The following RARB variants were observed in gnomAD, a reference collection of about 807,000 sequenced individuals.
RARB encodes the protein HBV-activated protein.
Under a neutral mutation model 51.9 loss-of-function variants are expected in RARB, and 17 were observed. The ratio of observed to expected loss-of-function variants is 0.33; its 90% confidence interval spans 0.22 to 0.49. RARB has a LOEUF of 0.49. Ranked by LOEUF, RARB falls within the 20% of genes least tolerant of loss-of-function variation. The pLI is 0.99. For synonymous variants in RARB, 215 were observed against 195.4 expected (o/e 1.10, Z -0.84); for missense variants, 369 against 550.8 (o/e 0.67, Z 3.30).
chr3:25,340,605 A>C (rs973249142), intron 5 of RARB, among the ~76,000 whole-genome samples: 25 of 152,172 alleles, frequency 1.6e-4, no homozygotes, highest in Non-Finnish European at 2.4e-4. Context: ...TTTTTTCTCC[A>C]TTTAAAGTAT....
At chr3:25,271,261 C>G (rs1703251250) in intron 5 of RARB, among the ~76,000 whole-genome samples, 1 of 152,182 alleles carries the variant, frequency 6.6e-6, no homozygotes. Context: ...GATGGGGTGG[C>G]TGCAGGCTTG....
At chr3:25,586,261 G>A (rs1575543987) in intron 5 of RARB, among the ~76,000 whole-genome samples, 1 of 152,096 alleles carries the variant, frequency 6.6e-6, no homozygotes, top group South Asian at 2.1e-4. Flanking sequence ...TCTCCGACCA[G>A]CCACCCGATT....
chr3:25,401,935 C>G (rs1014460962), intron 5 of RARB, among the ~76,000 whole-genome samples: 9 of 152,066 alleles, frequency 5.9e-5, no homozygotes, highest in African/African-American at 2.2e-4. Flanking sequence ...CGCCACCAAG[C>G]TTGGCTAATT....
intron 3 of RARB, among the ~76,000 whole-genome samples, chr3:25,560,316 A>G (rs996791515): frequency 6.6e-6 from 1 of 152,192 alleles, no homozygotes; most frequent in Non-Finnish European, 1.5e-5. Flanking sequence ...CATGTAGACC[A>G]TTTCTCTAAT....
chr3:24,894,244 G>C (rs754353279), intron 2 of RARB, among the ~76,000 whole-genome samples: 3 of 151,722 alleles, frequency 2.0e-5, no homozygotes, highest in Non-Finnish European at 4.4e-5. Context: ...CCTGATAGGC[G>C]ATCTTTCAGC....
chr3:25,369,693 C>T (rs1706240372), intron 5 of RARB, among the ~76,000 whole-genome samples: 1 of 152,152 alleles, frequency 6.6e-6, no homozygotes, highest in African/African-American at 2.4e-5. Context: ...GAGACCGAGG[C>T]AGGCGGATCA....
intron 2 of RARB, among the ~76,000 whole-genome samples, chr3:25,483,133 G>A (rs1370026011): frequency 6.6e-6 from 1 of 152,144 alleles, no homozygotes; most frequent in African/African-American, 2.4e-5. Context: ...AAGCGACACA[G>A]GCAGAGAACC....
At chr3:25,530,487 C>T (rs894546452) in intron 3 of RARB, among the ~76,000 whole-genome samples, 2 of 152,178 alleles carry the variant, frequency 1.3e-5, no homozygotes, top group African/African-American at 4.8e-5. Flanking sequence ...TTTGGAGGCT[C>T]TAGGGGAGAA....
At chr3:25,243,769 T>C (rs537452314) in intron 5 of RARB, among the ~76,000 whole-genome samples, 2 of 152,256 alleles carry the variant, frequency 1.3e-5, no homozygotes, top group South Asian at 2.1e-4. Flanking sequence ...GCCTGAAATT[T>C]TGTTTTTCTG....
intron 4 of RARB, among the ~76,000 whole-genome samples, chr3:25,153,421 C>T (rs894261770): frequency 3.3e-5 from 5 of 152,076 alleles, no homozygotes; most frequent in African/African-American, 1.2e-4. Flanking sequence ...ATTTCTTTAT[C>T]GAGTTACCGC....
At chr3:25,548,706 T>G (rs1699724468) in intron 3 of RARB, among the ~76,000 whole-genome samples, 1 of 152,028 alleles carries the variant, frequency 6.6e-6, no homozygotes, top group African/African-American at 2.4e-5. Flanking sequence ...TTAATATGTG[T>G]TATCAGTGCA....
At chr3:25,096,819 T>C (rs1699301231) in intron 3 of RARB, among the ~76,000 whole-genome samples, 2 of 152,118 alleles carry the variant, frequency 1.3e-5, no homozygotes, top group African/African-American at 4.8e-5. Context: ...CATGACATTG[T>C]CAAAGGAATA....
intron 5 of RARB, among the ~76,000 whole-genome samples, chr3:25,350,259 G>C (rs969415035): frequency 2.0e-5 from 3 of 152,074 alleles, no homozygotes; most frequent in Admixed American, 2.0e-4. Context: ...CAAAGCAACC[G>C]CCTACTGAAG....
intron 5 of RARB, among the ~76,000 whole-genome samples, chr3:25,303,601 T>C (rs1365712968): frequency 6.6e-6 from 1 of 152,214 alleles, no homozygotes; most frequent in Non-Finnish European, 1.5e-5. Context: ...TGCCACATGG[T>C]TGAATCTTCA....
intron 3 of RARB, among the ~76,000 whole-genome samples, chr3:25,081,603 A>ATTTTTTT: frequency 8.8e-5 from 1 of 11,380 alleles, no homozygotes; most frequent in Non-Finnish European, 1.7e-4. Context: ...ATATATATAT[A>ATTTTTTT]TATATATATA....
At chr3:24,969,205 C>A (rs550177084) in intron 2 of RARB, among the ~76,000 whole-genome samples, 37 of 152,024 alleles carry the variant, frequency 2.4e-4, no homozygotes, top group Admixed American at 2.2e-3. Context: ...ATGTTTATTT[C>A]CCTCTCAATC....
At chr3:25,026,317 C>T (rs1273204082) in intron 2 of RARB, among the ~76,000 whole-genome samples, 2 of 152,180 alleles carry the variant, frequency 1.3e-5, no homozygotes, top group Non-Finnish European at 2.9e-5. Context: ...AATTTATTTT[C>T]TCACAATTTT....
intron 3 of RARB, among the ~76,000 whole-genome samples, chr3:25,117,516 C>T (rs967400315): frequency 6.6e-6 from 1 of 152,068 alleles, no homozygotes; most frequent in African/African-American, 2.4e-5. Flanking sequence ...TATCCAAAGG[C>T]CAAAGGAAGC....
At chr3:25,449,687 T>C (rs184071213) in intron 1 of RARB, among the ~76,000 whole-genome samples, 25 of 152,250 alleles carry the variant, frequency 1.6e-4, no homozygotes, top group African/African-American at 6.0e-4. Flanking sequence ...AACCACATTA[T>C]ACCTCTGGTT....
Sources: gnomAD v4.1 joint callset for allele counts (sites outside exome capture counted in the v4.1 genomes callset) on GRCh38, gnomAD v4.1.1 for gene constraint, MANE v1.5 for transcripts, NCBI Gene and HGNC (gene_info 2026-07-23, HGNC 2026-07-21) for gene names.